The following STXBP5L variants were observed in gnomAD, a reference collection of about 807,000 sequenced individuals.
The protein encoded by STXBP5L is syntaxin binding protein 5L, also known as syntaxin-binding protein 5-like.
STXBP5L carries 65 observed loss-of-function variants against 144.5 expected under a neutral mutation model. That is an observed-to-expected ratio of 0.45 (90% CI 0.37 to 0.55). The LOEUF is 0.55. STXBP5L is among the 20% of genes least tolerant of loss of function. STXBP5L has a pLI of 0.00. For missense variants in STXBP5L, 1,298 were observed against 1,405.5 expected (o/e 0.92, Z 1.22); for synonymous variants, 505 against 469.6 (o/e 1.08, Z -0.97).
chr3:120,974,528 C>T (rs939920510), intron 3 of STXBP5L, among the ~76,000 whole-genome samples: 4 of 151,860 alleles, frequency 2.6e-5, no homozygotes, highest in African/African-American at 4.8e-5. Flanking sequence ...TTTTGCTGTG[C>T]AGAAGCTCTT....
intron 3 of STXBP5L, among the ~76,000 whole-genome samples, chr3:120,960,312 G>T (rs902191648): frequency 6.6e-6 from 1 of 152,150 alleles, no homozygotes; most frequent in African/African-American, 2.4e-5. Flanking sequence ...CTGTTGGTGG[G>T]ACTGTAAACT....
intron 3 of STXBP5L, among the ~76,000 whole-genome samples, chr3:121,017,396 C>T (rs1289753506): frequency 1.3e-5 from 2 of 152,120 alleles, no homozygotes; most frequent in African/African-American, 4.8e-5. Context: ...AGGATGTATC[C>T]CCAAGGATTT....
chr3:121,090,943 A>C (rs1330680470), intron 5 of STXBP5L, among the ~76,000 whole-genome samples: 1 of 88,630 alleles, frequency 1.1e-5, no homozygotes, highest in African/African-American at 4.6e-5. Flanking sequence ...CCCACCCCAC[A>C]ACAGTCCCCA....
rs1301064326 is a variant in STXBP5L at position 121,115,050 on chromosome 3, C to T, written c.596C>T (p.Ala199Val). The T allele has an allele frequency of 1.4e-5, 22 of 1,599,908 alleles. No individual in the cohort carries two copies. Among genetic ancestry groups the T allele is most frequent in the Non-Finnish European group, 1.8e-5 (21 of 1,175,566 alleles). ...LSGYVIMWNKAIELSTKTHPG... is the reference protein window; with the variant it reads ...LSGYVIMWNKVIELSTKTHPG... ...GGATATGTTATCATGTGGAACAAGGCAATTGAACTGTAAGTTTGAACTTGG... is the reference window on the plus strand; with the variant it reads ...GGATATGTTATCATGTGGAACAAGGTAATTGAACTGTAAGTTTGAACTTGG... The change falls in exon 6 of 27, where the codon GCA becomes GTA. Residue 199 changes from alanine (A) to valine (V), a missense_variant. Transcript: ENST00000471454.
At chr3:120,915,913 G>A (rs1001804411) in intron 2 of STXBP5L, among the ~76,000 whole-genome samples, 2 of 152,102 alleles carry the variant, frequency 1.3e-5, no homozygotes, top group African/African-American at 4.8e-5. Context: ...ATTAAATGAA[G>A]CATTCATAGT....
intron 20 of STXBP5L, among the ~76,000 whole-genome samples, chr3:121,351,586 A>G (rs898210738): frequency 1.5e-4 from 23 of 152,190 alleles, no homozygotes; most frequent in Admixed American, 1.2e-3. Context: ...GATTCTGGAT[A>G]TAAGCCCTTT....
intron 3 of STXBP5L, among the ~76,000 whole-genome samples, chr3:121,015,985 C>G (rs548058048): frequency 1.3e-5 from 2 of 152,156 alleles, no homozygotes; most frequent in Non-Finnish European, 2.9e-5. Context: ...CATATAATAA[C>G]AAGTGCAGAC....
At chr3:121,293,550 A>C (rs2051528065) in intron 19 of STXBP5L, among the ~76,000 whole-genome samples, 1 of 152,198 alleles carries the variant, frequency 6.6e-6, no homozygotes, top group South Asian at 2.1e-4. Context: ...CATTCCAAGC[A>C]GAGTGAACAG....
intron 20 of STXBP5L, among the ~76,000 whole-genome samples, chr3:121,376,697 G>T (rs1035326286): frequency 2.0e-5 from 3 of 152,188 alleles, no homozygotes; most frequent in African/African-American, 7.2e-5. Context: ...TTTGGCTTAG[G>T]ATTGTCTTGG....
At chr3:121,356,755 T>C (rs758393271) in intron 20 of STXBP5L, among the ~76,000 whole-genome samples, 8 of 152,178 alleles carry the variant, frequency 5.3e-5, no homozygotes, top group Non-Finnish European at 1.0e-4. Context: ...AATGCAGAAA[T>C]CACCCATCTT....
At chr3:120,984,511 G>A (rs866858945) in intron 3 of STXBP5L, among the ~76,000 whole-genome samples, 1 of 151,364 alleles carries the variant, frequency 6.6e-6, no homozygotes, top group Non-Finnish European at 1.5e-5. Context: ...TAGTTCTAAC[G>A]GGATTTTTTT....
intron 20 of STXBP5L, among the ~76,000 whole-genome samples, chr3:121,352,037 G>A (rs946552972): frequency 1.3e-5 from 2 of 152,026 alleles, no homozygotes; most frequent in Admixed American, 6.6e-5. Flanking sequence ...TGTTCCATTG[G>A]TCTATATCTC....
At chr3:120,908,706 C>T (rs1708663245) in intron 1 of STXBP5L, among the ~76,000 whole-genome samples, 1 of 151,628 alleles carries the variant, frequency 6.6e-6, no homozygotes. Flanking sequence ...GCCGCCACCG[C>T]TTCACGTCCC....
At chr3:121,374,838 G>A (rs951217090) in intron 20 of STXBP5L, among the ~76,000 whole-genome samples, 2 of 152,022 alleles carry the variant, frequency 1.3e-5, no homozygotes, top group East Asian at 1.9e-4. Flanking sequence ...AATTAGGAAA[G>A]CCTAGGAGTT....
chr3:121,115,875 A>T (rs901089722), intron 6 of STXBP5L, among the ~76,000 whole-genome samples: 8 of 152,078 alleles, frequency 5.3e-5, no homozygotes, highest in African/African-American at 1.7e-4. Context: ...AAACAACAAG[A>T]TCTCACGAGA....
intron 19 of STXBP5L, among the ~76,000 whole-genome samples, chr3:121,292,899 G>A (rs1215808683): frequency 6.6e-6 from 1 of 152,140 alleles, no homozygotes; most frequent in Non-Finnish European, 1.5e-5. Flanking sequence ...GTGGGAGGTA[G>A]GTGAGGGATA....
chr3:121,269,059 C>T (rs1041343927), intron 18 of STXBP5L, among the ~76,000 whole-genome samples: 6 of 152,010 alleles, frequency 3.9e-5, no homozygotes, highest in South Asian at 2.1e-4. Flanking sequence ...CTTTATAGAA[C>T]AGATTATTAG....
chr3:121,079,885 C>T (rs1024929115), intron 5 of STXBP5L, among the ~76,000 whole-genome samples: 1 of 151,914 alleles, frequency 6.6e-6, no homozygotes, highest in African/African-American at 2.4e-5. Context: ...TGTTGACTCT[C>T]TGTCTTGATG....
intron 5 of STXBP5L, among the ~76,000 whole-genome samples, chr3:121,076,400 T>A (rs895251751): frequency 3.9e-5 from 6 of 152,186 alleles, no homozygotes; most frequent in Admixed American, 6.5e-5. Context: ...GATGGTTTTT[T>A]TCTGCTTTTT....
Sources: allele counts gnomAD v4.1 joint callset (sites outside exome capture counted in the v4.1 genomes callset), GRCh38; gene constraint gnomAD v4.1.1; transcripts MANE v1.5; gene names NCBI Gene and HGNC (gene_info 2026-07-23, HGNC 2026-07-21).